Variants in ZNF365 observed in about 807,000 individuals in gnomAD.
The protein encoded by ZNF365 is protein ZNF365.
Under a neutral mutation model 35.0 loss-of-function variants are expected in ZNF365, and 22 were observed. That is an observed-to-expected ratio of 0.63 (90% CI 0.45 to 0.90). The LOEUF is 0.90. Among genes scored for constraint, ZNF365 ranks in the 40% least tolerant of loss-of-function variants. The pLI is 0.00. For missense variants in ZNF365, 448 were observed against 500.3 expected (o/e 0.90, Z 1.00); for synonymous variants, 188 against 196.2 (o/e 0.96, Z 0.35).
chr10:62,465,101 G>T (rs972495268), intron 4 of ZNF365, among the ~76,000 whole-genome samples: 5 of 152,216 alleles, frequency 3.3e-5, no homozygotes, highest in African/African-American at 1.2e-4. Flanking sequence ...CCCTACCCCT[G>T]CAGGCTTGGA....
chr10:62,439,094 T>C (rs1263076636), intron 3 of ZNF365, among the ~76,000 whole-genome samples: 1 of 152,216 alleles, frequency 6.6e-6, no homozygotes, highest in Non-Finnish European at 1.5e-5. Context: ...CTGTTGTTGA[T>C]ACTACACTTA....
At chr10:62,379,018 G>T (rs900568985) in intron 2 of ZNF365, among the ~76,000 whole-genome samples, 1 of 145,910 alleles carries the variant, frequency 6.9e-6, no homozygotes, top group South Asian at 2.1e-4. Context: ...GATAAATTAC[G>T]AGTTGATTTT....
At chr10:62,430,662 G>A (rs1840321086) in intron 3 of ZNF365, among the ~76,000 whole-genome samples, 2 of 152,156 alleles carry the variant, frequency 1.3e-5, no homozygotes, top group African/African-American at 4.8e-5. Context: ...GACAACTTTT[G>A]TAAACAATCA....
At chr10:62,433,380 G>A (rs968545055) in intron 3 of ZNF365, among the ~76,000 whole-genome samples, 1 of 152,120 alleles carries the variant, frequency 6.6e-6, no homozygotes, top group Non-Finnish European at 1.5e-5. Flanking sequence ...AATTGGGGCT[G>A]GCTGGATATT....
intron 3 of ZNF365, among the ~76,000 whole-genome samples, chr10:62,459,003 G>T (rs192173485): frequency 2.6e-4 from 40 of 152,316 alleles, no homozygotes; most frequent in African/African-American, 9.6e-4. Flanking sequence ...AATGACCCAT[G>T]AAAGAAATGA....
chr10:62,479,640 G>A (rs1168102689), intron 4 of ZNF365, among the ~76,000 whole-genome samples: 1 of 152,154 alleles, frequency 6.6e-6, no homozygotes, highest in Non-Finnish European at 1.5e-5. Context: ...TTCCTTACCT[G>A]AACTGCCCAC....
intron 3 of ZNF365, among the ~76,000 whole-genome samples, chr10:62,428,370 G>C (rs1331186683): frequency 6.6e-6 from 1 of 152,038 alleles, no homozygotes; most frequent in Non-Finnish European, 1.5e-5. Flanking sequence ...TGAATCATGG[G>C]GGTCATTTCC....
At chr10:62,395,027 A>G (rs1188852174) in intron 3 of ZNF365, among the ~76,000 whole-genome samples, 2 of 152,144 alleles carry the variant, frequency 1.3e-5, no homozygotes, top group Non-Finnish European at 2.9e-5. Context: ...TGGGGAGTAG[A>G]GTCAGAATCT....
chr10:62,431,839 T>TTTTG (rs955631725), intron 3 of ZNF365, among the ~76,000 whole-genome samples: 8 of 152,138 alleles, frequency 5.3e-5, no homozygotes, highest in African/African-American at 1.7e-4. Context: ...GCATTTGGGT[T>TTTTG]TTTGTTTGTT....
At chr10:62,379,745 G>C (rs1220426920) in intron 2 of ZNF365, among the ~76,000 whole-genome samples, 1 of 152,162 alleles carries the variant, frequency 6.6e-6, no homozygotes, top group Non-Finnish European at 1.5e-5. Context: ...TGGGTGGTGG[G>C]TGCATCTTCC....
At chr10:62,418,914 T>G (rs1840122454) in intron 3 of ZNF365, among the ~76,000 whole-genome samples, 1 of 147,916 alleles carries the variant, frequency 6.8e-6, no homozygotes, top group South Asian at 2.2e-4. Context: ...TGACTTATTC[T>G]GAACTCTTTC....
At chr10:62,429,718 A>C (rs189275741) in intron 3 of ZNF365, among the ~76,000 whole-genome samples, 99 of 152,240 alleles carry the variant, frequency 6.5e-4, no homozygotes, top group African/African-American at 2.2e-3. Flanking sequence ...TAATAAGGGG[A>C]GAAATTAGCT....
chr10:62,441,667 T>C (rs1180937145), intron 3 of ZNF365, among the ~76,000 whole-genome samples: 3 of 152,218 alleles, frequency 2.0e-5, no homozygotes, highest in African/African-American at 7.2e-5. Flanking sequence ...GCATTTCATC[T>C]GTGTTGTCTT....
chr10:62,452,215 G>A (rs568649399), intron 3 of ZNF365, among the ~76,000 whole-genome samples: 1 of 152,272 alleles, frequency 6.6e-6, no homozygotes, highest in Admixed American at 6.5e-5. Flanking sequence ...TCAGGGTGAA[G>A]ATGGAAATAC....
At chr10:62,475,634 G>C (rs1189166575) in intron 4 of ZNF365, among the ~76,000 whole-genome samples, 3 of 152,122 alleles carry the variant, frequency 2.0e-5, no homozygotes, top group Non-Finnish European at 2.9e-5. Flanking sequence ...ACCAAGCTGC[G>C]ACCAGATCCG....
intron 2 of ZNF365, among the ~76,000 whole-genome samples, chr10:62,379,816 G>A (rs1839405035): frequency 6.6e-6 from 1 of 152,080 alleles, no homozygotes. Flanking sequence ...TTCAGATAAG[G>A]GAAGACCGTA....
chr10:62,458,910 C>A (rs993506853), intron 3 of ZNF365, among the ~76,000 whole-genome samples: 1 of 152,106 alleles, frequency 6.6e-6, no homozygotes, highest in Non-Finnish European at 1.5e-5. Context: ...CAATCCTAAA[C>A]CCTACACCCT....
Position 62,399,952 on chromosome 10 carries a change from G to A in ZNF365, c.*163G>A. The A allele has an allele frequency of 7.4e-7, 1 of 1,350,986 alleles. No individual in the cohort carries two copies. Among genetic ancestry groups the A allele is most frequent in the Non-Finnish European group, 9.5e-7 (1 of 1,050,078 alleles). 83.7% of individuals were successfully genotyped at this position (1,350,986 alleles called of 1,614,324 possible). A position where few individuals can be genotyped will look rare whatever the true frequency, so the allele number is the denominator to read the frequency against. On this transcript the variant is annotated 3_prime_UTR_variant, in exon 5 of 5. Coordinates refer to ENST00000395254, the MANE Select transcript of ZNF365 (RefSeq NM_014951.3). ...CAATTAACCAGAGCTTAGCAAATGG[G>A]AATCTTAGTGAACCAGAATTTTATT... is the stretch of plus-strand genomic sequence containing the variant.
At chr10:62,420,793 T>A (rs2132447459) in intron 3 of ZNF365, among the ~76,000 whole-genome samples, 1 of 152,130 alleles carries the variant, frequency 6.6e-6, no homozygotes, top group East Asian at 1.9e-4. Context: ...GCTTTTTTTT[T>A]TTATTGAGTC....
Sources: allele counts gnomAD v4.1 joint callset (sites outside exome capture counted in the v4.1 genomes callset), GRCh38; gene constraint gnomAD v4.1.1; transcripts MANE v1.5; gene names NCBI Gene and HGNC (gene_info 2026-07-23, HGNC 2026-07-21).